The following ZFHX3 variants were observed in gnomAD, a reference collection of about 807,000 sequenced individuals.
ZFHX3 encodes the protein zinc finger homeobox 3, also known as zinc finger homeobox protein 3.
ZFHX3 carries 42 observed loss-of-function variants against 279.1 expected under a neutral mutation model. That is an observed-to-expected ratio of 0.15 (90% CI 0.12 to 0.19). ZFHX3 has a LOEUF of 0.19. Among genes scored for constraint, ZFHX3 ranks in the 10% least tolerant of loss-of-function variants. The probability of loss-of-function intolerance (pLI) is 1.00; values close to 1 mark genes in which losing one functional copy is unlikely to be tolerated. For synonymous variants in ZFHX3, 2,293 were observed against 1,957.8 expected (o/e 1.17, Z -4.52); for missense variants, 4,981 against 4,754.0 (o/e 1.05, Z -1.40).
chr16:73,805,221 T>C (rs1960246863), intron 1 of ZFHX3, among the ~76,000 whole-genome samples: 1 of 152,120 alleles, frequency 6.6e-6, no homozygotes, highest in Non-Finnish European at 1.5e-5. Flanking sequence ...CAGGCTGGAG[T>C]GCAATGGCAC....
chr16:73,272,129 A>G (rs1358561614), intron 4 of ZFHX3, among the ~76,000 whole-genome samples: 1 of 152,250 alleles, frequency 6.6e-6, no homozygotes, highest in Non-Finnish European at 1.5e-5. Context: ...AAGAGCAGGT[A>G]GAGCTAACCG....
rs547040911 is a variant in ZFHX3, at chr16:73,633,668, T to C, written c.-1547+46512A>G. Among the ~76,000 whole-genome samples the C allele has an allele frequency of 1.4e-3, 209 of 152,350 alleles. 2 individuals carry two copies. The South Asian group carries it at 0.037, about 27-fold the overall frequency. On this transcript the variant is annotated intron_variant, in intron 2 of 17. Transcript: ENST00000641206. ...TGCTCAGTACTAGTGCCTGTGATTG[T>C]GGCGTGGATTGGCATGGACTTTCTT...
chr16:73,072,832 G>A (rs888974847), intron 8 of ZFHX3, among the ~76,000 whole-genome samples: 8 of 151,764 alleles, frequency 5.3e-5, no homozygotes, highest in Admixed American at 2.0e-4. Flanking sequence ...GTCTTCCAAA[G>A]TGCTGGGATT....
At chr16:73,296,877 A>ATTTT (rs201366558) in intron 4 of ZFHX3, among the ~76,000 whole-genome samples, 7 of 116,068 alleles carry the variant, frequency 6.0e-5, no homozygotes, top group African/African-American at 2.1e-4. Context: ...TGAAGCAGGA[A>ATTTT]TTTTTTTTTT....
At chr16:73,509,303 C>A (rs188682294) in intron 2 of ZFHX3, among the ~76,000 whole-genome samples, 1 of 152,124 alleles carries the variant, frequency 6.6e-6, no homozygotes, top group Non-Finnish European at 1.5e-5. Context: ...ACCATGTACC[C>A]GGTTCTCATC....
intron 3 of ZFHX3, among the ~76,000 whole-genome samples, chr16:73,443,757 G>C (rs1245063018): frequency 2.0e-5 from 3 of 151,880 alleles, no homozygotes; most frequent in South Asian, 2.1e-4. Flanking sequence ...TTACTCCTTG[G>C]CTTTTTTTCT....
chr16:73,364,188 AG>A (rs1443252516), intron 3 of ZFHX3, among the ~76,000 whole-genome samples: 5 of 144,660 alleles, frequency 3.5e-5, no homozygotes, highest in Non-Finnish European at 7.7e-5. Flanking sequence ...AAAAAAAAAA[AG>A]AACTTTAAGT....
At chr16:73,139,620 C>G (rs1328435386) in intron 6 of ZFHX3, among the ~76,000 whole-genome samples, 1 of 152,218 alleles carries the variant, frequency 6.6e-6, no homozygotes, top group African/African-American at 2.4e-5. Context: ...GGCATTGAAT[C>G]CTGGGAAAGA....
chr16:73,686,767 C>T (rs572010999), intron 1 of ZFHX3, among the ~76,000 whole-genome samples: 2 of 151,870 alleles, frequency 1.3e-5, no homozygotes, highest in Non-Finnish European at 2.9e-5. Flanking sequence ...AATAGCTACT[C>T]AGTTTGTAGC....
At chr16:73,870,676 A>G (rs1407244922) in intron 1 of ZFHX3, among the ~76,000 whole-genome samples, 1 of 152,276 alleles carries the variant, frequency 6.6e-6, no homozygotes, top group African/African-American at 2.4e-5. Flanking sequence ...TCTGAGTTCT[A>G]TTCCCCAATT....
At chr16:73,682,977 AG>A (rs2053038774) in intron 1 of ZFHX3, among the ~76,000 whole-genome samples, 1 of 30,210 alleles carries the variant, frequency 3.3e-5, no homozygotes, top group African/African-American at 1.1e-4. Flanking sequence ...AAAGAAAGAA[AG>A]AAAGAAAGAA....
At chr16:73,722,111 A>C (rs1221210067) in intron 1 of ZFHX3, among the ~76,000 whole-genome samples, 2 of 152,224 alleles carry the variant, frequency 1.3e-5, no homozygotes, top group Non-Finnish European at 1.5e-5. Flanking sequence ...GCTAGTAAGC[A>C]CTTCCTATAT....
chr16:73,188,124 G>T (rs1967955376), intron 5 of ZFHX3, among the ~76,000 whole-genome samples: 1 of 152,148 alleles, frequency 6.6e-6, no homozygotes, highest in African/African-American at 2.4e-5. Flanking sequence ...GCCTCCCAAA[G>T]TGCAGGGATT....
chr16:73,085,911 A>G (rs1346595862), intron 8 of ZFHX3, among the ~76,000 whole-genome samples: 1 of 151,596 alleles, frequency 6.6e-6, no homozygotes, highest in Non-Finnish European at 1.5e-5. Context: ...AGAATGGGGG[A>G]AAATATTTGC....
intron 4 of ZFHX3, among the ~76,000 whole-genome samples, chr16:73,275,934 G>A (rs555345321): frequency 1.3e-5 from 2 of 152,168 alleles, no homozygotes; most frequent in Admixed American, 6.5e-5. Context: ...TCTATGGACC[G>A]TATCCTTTGC....
chr16:73,597,535 A>T (rs2052063620), intron 2 of ZFHX3, among the ~76,000 whole-genome samples: 1 of 152,236 alleles, frequency 6.6e-6, no homozygotes, highest in Non-Finnish European at 1.5e-5. Context: ...CATATGGGAT[A>T]AGGGTTGGCC....
chr16:73,611,752 A>G (rs1180118136), intron 2 of ZFHX3, among the ~76,000 whole-genome samples: 4 of 152,178 alleles, frequency 2.6e-5, no homozygotes, highest in African/African-American at 9.7e-5. Context: ...TTGTTCTTTA[A>G]CACTTAAAGC....
chr16:73,466,904 A>G (rs1486032282), intron 2 of ZFHX3, among the ~76,000 whole-genome samples: 1 of 152,168 alleles, frequency 6.6e-6, no homozygotes, highest in African/African-American at 2.4e-5. Context: ...AGGGAACACT[A>G]AGAAAGATGA....
chr16:73,145,397 G>A (rs1423597637), intron 5 of ZFHX3, among the ~76,000 whole-genome samples: 2 of 152,226 alleles, frequency 1.3e-5, no homozygotes, highest in African/African-American at 4.8e-5. Context: ...TAACACTGTT[G>A]TCAAATTGCT....
Sources: gnomAD v4.1 joint callset for allele counts (sites outside exome capture counted in the v4.1 genomes callset) on GRCh38, gnomAD v4.1.1 for gene constraint, MANE v1.5 for transcripts, NCBI Gene and HGNC (gene_info 2026-07-23, HGNC 2026-07-21) for gene names.